LOC128092253: variants seen among roughly 807,000 people sequenced by gnomAD.
chr6:133,962,104 T>C, the LOC128092253 span, among the ~76,000 whole-genome samples: 33 of 152,280 alleles, frequency 2.2e-4, no homozygotes, highest in East Asian at 6.0e-3. Flanking sequence ...AGTCTGTTAT[T>C]GGAAGAGGAA....
the LOC128092253 span, among the ~76,000 whole-genome samples, chr6:133,978,072 A>G: frequency 6.6e-6 from 1 of 152,290 alleles, no homozygotes; most frequent in East Asian, 1.9e-4. Context: ...TATTTCTGCC[A>G]CATTGTACCC....
At chr6:133,966,136 A>C in the LOC128092253 span, among the ~76,000 whole-genome samples, 1 of 152,062 alleles carries the variant, frequency 6.6e-6, no homozygotes, top group Non-Finnish European at 1.5e-5. Context: ...TGGGTGTGTA[A>C]GTAAACATTG....
At chr6:133,956,352 C>T in the LOC128092253 span, among the ~76,000 whole-genome samples, 3 of 152,132 alleles carry the variant, frequency 2.0e-5, no homozygotes, top group African/African-American at 7.2e-5. Context: ...GTCAGGTGTG[C>T]AAAGCTGGAT....
chr6:133,956,273 A>AT, the LOC128092253 span, among the ~76,000 whole-genome samples: 1 of 152,214 alleles, frequency 6.6e-6, no homozygotes, highest in Non-Finnish European at 1.5e-5. Flanking sequence ...GTATTGTGAC[A>AT]TTCGAACTAA....
the LOC128092253 span, among the ~76,000 whole-genome samples, chr6:133,962,715 A>G: frequency 1.3e-5 from 2 of 152,236 alleles, no homozygotes; most frequent in Non-Finnish European, 2.9e-5. Flanking sequence ...AAAGAGGAAA[A>G]GGATTTCAGG....
the LOC128092253 span, among the ~76,000 whole-genome samples, chr6:133,961,856 A>G: frequency 3.9e-5 from 6 of 152,144 alleles, no homozygotes; most frequent in South Asian, 1.2e-3. Flanking sequence ...TTCCTTTATA[A>G]CATAGATCAC....
the LOC128092253 span, among the ~76,000 whole-genome samples, chr6:133,977,957 G>A: frequency 6.6e-6 from 1 of 152,222 alleles, no homozygotes; most frequent in Non-Finnish European, 1.5e-5. Context: ...AGACTTCCCA[G>A]AGGATACATA....
chr6:133,969,369 A>G, the LOC128092253 span, among the ~76,000 whole-genome samples: 1 of 151,064 alleles, frequency 6.6e-6, no homozygotes, highest in Non-Finnish European at 1.5e-5. Context: ...TTTAACCATA[A>G]TTCACTTTGA....
the LOC128092253 span, chr6:133,969,002 C>T: frequency 1.1e-3 from 165 of 152,210 alleles, no homozygotes; most frequent in African/African-American, 3.7e-3. Flanking sequence ...TTTTAGTATT[C>T]GTCGAAACAG....
At chr6:133,976,234 A>T in the LOC128092253 span, among the ~76,000 whole-genome samples, 1 of 152,154 alleles carries the variant, frequency 6.6e-6, no homozygotes, top group African/African-American at 2.4e-5. Flanking sequence ...TAAACGAAAT[A>T]ATTTGGAATT....
At chr6:133,967,226 C>G in the LOC128092253 span, among the ~76,000 whole-genome samples, 1 of 152,162 alleles carries the variant, frequency 6.6e-6, no homozygotes, top group Non-Finnish European at 1.5e-5. Flanking sequence ...ATTTCCAGTT[C>G]ATTGTTATAG....
the LOC128092253 span, among the ~76,000 whole-genome samples, chr6:133,961,984 G>A: frequency 6.6e-5 from 10 of 152,060 alleles, no homozygotes; most frequent in African/African-American, 2.2e-4. Flanking sequence ...GTGTCTACCC[G>A]CAGAGCTTGG....
chr6:133,973,674 T>A, the LOC128092253 span, among the ~76,000 whole-genome samples: 2 of 152,226 alleles, frequency 1.3e-5, no homozygotes, highest in African/African-American at 4.8e-5. Flanking sequence ...TGATGTGTTC[T>A]TGTACACAAA....
the LOC128092253 span, among the ~76,000 whole-genome samples, chr6:133,962,019 T>C: frequency 6.6e-6 from 1 of 152,168 alleles, no homozygotes; most frequent in South Asian, 2.1e-4. Context: ...ATACTAAATA[T>C]GCAATTATGC....
the LOC128092253 span, among the ~76,000 whole-genome samples, chr6:133,974,419 C>T: frequency 1.6e-3 from 244 of 152,266 alleles, 1 homozygote; most frequent in African/African-American, 5.5e-3. Flanking sequence ...CTGCAACCTC[C>T]GCCTCCTGGG....
the LOC128092253 span, among the ~76,000 whole-genome samples, chr6:133,969,251 C>CTTTTT: frequency 8.2e-6 from 1 of 122,596 alleles, no homozygotes; most frequent in Non-Finnish European, 1.7e-5. Flanking sequence ...ATAAAATACA[C>CTTTTT]TTTTTTTTTT....
At chr6:133,964,782 A>C in the LOC128092253 span, among the ~76,000 whole-genome samples, 1 of 152,148 alleles carries the variant, frequency 6.6e-6, no homozygotes, top group Admixed American at 6.5e-5. Flanking sequence ...AACTAATTTC[A>C]TAATCTGACC....
At chr6:133,971,269 T>A in the LOC128092253 span, among the ~76,000 whole-genome samples, 1 of 152,196 alleles carries the variant, frequency 6.6e-6, no homozygotes, top group Admixed American at 6.5e-5. Flanking sequence ...TGACAAGATT[T>A]CTTACAGCTG....
the LOC128092253 span, among the ~76,000 whole-genome samples, chr6:133,977,876 T>G: frequency 6.6e-6 from 1 of 152,220 alleles, no homozygotes; most frequent in Non-Finnish European, 1.5e-5. Context: ...ATATCCAACC[T>G]CTAGACAGCA....
Sources: gnomAD v4.1 joint callset for allele counts (sites outside exome capture counted in the v4.1 genomes callset) on GRCh38, gnomAD v4.1.1 for gene constraint, MANE v1.5 for transcripts.